Variants in SPRED2 observed in about 807,000 individuals in gnomAD.
The protein encoded by SPRED2 is sprouty-related, EVH1 domain-containing protein 2.
In SPRED2, 47 loss-of-function variants were observed where a neutral mutation model predicts 43.0. That is an observed-to-expected ratio of 1.09 (90% CI 0.87 to 1.40). The LOEUF is 1.40. Among genes scored for constraint, SPRED2 ranks in the 40% most tolerant of loss-of-function variants. The pLI is 0.00. For synonymous variants in SPRED2, 225 were observed against 225.7 expected (o/e 1.00, Z 0.03); for missense variants, 561 against 586.4 (o/e 0.96, Z 0.45).
chr2:65,337,279 ACT>A (rs1434490067), intron 2 of SPRED2, among the ~76,000 whole-genome samples: 3 of 152,144 alleles, frequency 2.0e-5, no homozygotes, highest in Non-Finnish European at 2.9e-5. Flanking sequence ...ACAGATATAA[ACT>A]CTCTGGTGAA....
At chr2:65,353,521 C>T (rs2104293559) in intron 1 of SPRED2, among the ~76,000 whole-genome samples, 1 of 152,282 alleles carries the variant, frequency 6.6e-6, no homozygotes, top group South Asian at 2.1e-4. Context: ...TCAAAGTTTG[C>T]TAGACTTGGA....
At chr2:65,351,715 T>C (rs1404130963) in intron 1 of SPRED2, among the ~76,000 whole-genome samples, 2 of 152,236 alleles carry the variant, frequency 1.3e-5, no homozygotes, top group African/African-American at 4.8e-5. Flanking sequence ...TATATGTGAA[T>C]ATAAAATACA....
At chr2:65,403,078 A>G (rs922161490) in intron 1 of SPRED2, among the ~76,000 whole-genome samples, 2 of 152,244 alleles carry the variant, frequency 1.3e-5, no homozygotes, top group Non-Finnish European at 2.9e-5. Flanking sequence ...AAGCCAGCCA[A>G]ATACAAAGCT....
In SPRED2 at chr2:65,322,292, A is replaced by ATT. The variant is rs1490204181; in HGVS notation, c.439-5410_439-5409insAA. 9.3e-3 allele frequency among the ~76,000 whole-genome samples: 660 copies of ATT among 70,766 alleles called. 49 individuals are homozygous for ATT. Among genetic ancestry groups the ATT allele is most frequent in the Non-Finnish European group, 0.011 (483 of 42,424 alleles). The allele number at this position is 70,766 out of a possible 152,430, so 46.4% of individuals were successfully genotyped here. On this transcript the variant is annotated intron_variant, in intron 4 of 5. Transcript: ENST00000356388. ...TCTCTATATATATATATATATATATATATTTTTTTTTTTTTTTTTGAGACG... is the reference window on the plus strand; with the variant it reads ...TCTCTATATATATATATATATATATATTTATTTTTTTTTTTTTTTTTGAGACG...
intron 1 of SPRED2, among the ~76,000 whole-genome samples, chr2:65,402,299 A>C (rs1057334476): frequency 7.3e-5 from 11 of 151,368 alleles, no homozygotes; most frequent in Non-Finnish European, 1.6e-4. Flanking sequence ...AAAAAAAAAA[A>C]AAAAAACCAA....
At chr2:65,380,179 C>T (rs556958571) in intron 1 of SPRED2, among the ~76,000 whole-genome samples, 32 of 152,322 alleles carry the variant, frequency 2.1e-4, no homozygotes, top group African/African-American at 7.5e-4. Flanking sequence ...TTGGACTCTA[C>T]TCCTTGGATG....
chr2:65,332,123 T>C (rs1673831201), intron 3 of SPRED2, 72 bp from the exon 4 acceptor site: 1 of 998,668 alleles, frequency 1.0e-6, no homozygotes, highest in Non-Finnish European at 1.5e-6. Flanking sequence ...TAAAAAAGTA[T>C]ATTTTAATAA....
chr2:65,407,407 G>A (rs1012037888), intron 1 of SPRED2, among the ~76,000 whole-genome samples: 1 of 151,412 alleles, frequency 6.6e-6, no homozygotes, highest in African/African-American at 2.4e-5. Flanking sequence ...GCATTTTGGG[G>A]GGCATTTTGA....
intron 1 of SPRED2, among the ~76,000 whole-genome samples, chr2:65,382,437 G>T (rs1384354002): frequency 6.6e-6 from 1 of 152,118 alleles, no homozygotes; most frequent in Non-Finnish European, 1.5e-5. Flanking sequence ...GGCAGTCTAG[G>T]GTTAGGGCTG....
chr2:65,345,189 A>G (rs903176989), intron 1 of SPRED2, among the ~76,000 whole-genome samples: 3 of 151,966 alleles, frequency 2.0e-5, no homozygotes, highest in Admixed American at 6.6e-5. Context: ...GTACTGATAA[A>G]TGAATTGATT....
intron 1 of SPRED2, among the ~76,000 whole-genome samples, chr2:65,364,197 C>T (rs1674903229): frequency 6.6e-6 from 1 of 152,136 alleles, no homozygotes; most frequent in Non-Finnish European, 1.5e-5. Context: ...TTGTAGACTC[C>T]AGTAAATCTA....
At chr2:65,338,765 T>TG (rs1435032459) in intron 2 of SPRED2, among the ~76,000 whole-genome samples, 3 of 150,736 alleles carry the variant, frequency 2.0e-5, no homozygotes, top group Non-Finnish European at 4.4e-5. Flanking sequence ...GCCCATCGTC[T>TG]GGGATGTGAG....
At chr2:65,362,394 C>A (rs563416767) in intron 1 of SPRED2, among the ~76,000 whole-genome samples, 2 of 152,182 alleles carry the variant, frequency 1.3e-5, no homozygotes, top group African/African-American at 4.8e-5. Context: ...CTCAGCCTCC[C>A]CAGTAGCTGC....
intron 1 of SPRED2, among the ~76,000 whole-genome samples, chr2:65,381,712 G>GC (rs1426674977): frequency 6.6e-6 from 1 of 152,236 alleles, no homozygotes. Context: ...GATGACAGAA[G>GC]CCCTCAGCCC....
At chr2:65,387,685 T>A (rs1269627303) in intron 1 of SPRED2, among the ~76,000 whole-genome samples, 1 of 152,146 alleles carries the variant, frequency 6.6e-6, no homozygotes, top group Non-Finnish European at 1.5e-5. Context: ...CCAATTTAGA[T>A]CTAAAGACTA....
intron 1 of SPRED2, among the ~76,000 whole-genome samples, chr2:65,399,012 C>T (rs180970586): frequency 6.6e-6 from 1 of 152,306 alleles, no homozygotes; most frequent in African/African-American, 2.4e-5. Flanking sequence ...GGCGCGGTGG[C>T]TCATGCCTGT....
rs748200678 is a variant in SPRED2, at chr2:65,431,940, C to T, written c.26+22G>A. On this transcript the variant is annotated intron_variant, in intron 1 of 5. Coordinates refer to ENST00000356388, the MANE Select transcript of SPRED2 (RefSeq NM_181784.3). ...CGCTGCCCCTGAGGGGCACCCTCGT[C>T]CCACCCCGCGACCAAACTTACTCGT... 10 of 1,613,780 alleles carry T rather than the reference C, an allele frequency of 6.2e-6. No homozygotes were observed. In the Admixed American group the frequency reaches 1.0e-4, roughly 16 times the overall value.
Position 65,432,463 on chromosome 2 carries a change from G to A in SPRED2, c.-476C>T. On this transcript the variant is annotated 5_prime_UTR_variant, in exon 1 of 6. Transcript: ENST00000356388. ...CCGGGGGAGGTGCGCCTGGGAGGCG[G>A]TGCAGGGCGCCCCGTCCGAGCCCCA... 1 of 162,666 alleles carries A rather than the reference G, an allele frequency of 6.1e-6. No individual in the cohort carries two copies. The highest frequency in any genetic ancestry group is 1.5e-4 in the South Asian group (1 of 6,570). 10.1% of individuals were successfully genotyped at this position (162,666 alleles called of 1,614,324 possible).
At chr2:65,323,204 A>C (rs1196491484) in intron 4 of SPRED2, among the ~76,000 whole-genome samples, 1 of 152,172 alleles carries the variant, frequency 6.6e-6, no homozygotes, top group East Asian at 1.9e-4. Context: ...CATGTTGGCC[A>C]GGCTGGTCTC....
Sources: gnomAD v4.1 joint callset for allele counts (sites outside exome capture counted in the v4.1 genomes callset) on GRCh38, gnomAD v4.1.1 for gene constraint, MANE v1.5 for transcripts, NCBI Gene and HGNC (gene_info 2026-07-23, HGNC 2026-07-21) for gene names.